CDH18: variants seen among roughly 807,000 people sequenced by gnomAD.
CDH18 encodes cadherin-18.
CDH18 carries 31 observed loss-of-function variants against 67.9 expected under a neutral mutation model. That is an observed-to-expected ratio of 0.46 (90% CI 0.34 to 0.62). The LOEUF (loss-of-function observed/expected upper bound fraction) is 0.62, where lower values mean the gene tolerates loss of function less well. CDH18 is among the 20% of genes least tolerant of loss of function. The pLI, the probability that CDH18 is intolerant of heterozygous loss-of-function variation, is 0.01. For missense variants in CDH18, 890 were observed against 975.5 expected (o/e 0.91, Z 1.17); for synonymous variants, 362 against 347.2 (o/e 1.04, Z -0.48).
chr5:19,970,394 TAA>T (rs1231051762), intron 2 of CDH18, among the ~76,000 whole-genome samples: 2 of 151,646 alleles, frequency 1.3e-5, no homozygotes, highest in Admixed American at 6.6e-5. Context: ...AATTTAGCAA[TAA>T]GAGAGGATAT....
intron 2 of CDH18, among the ~76,000 whole-genome samples, chr5:20,149,721 T>C (rs1413811017): frequency 6.6e-6 from 1 of 152,166 alleles, no homozygotes; most frequent in African/African-American, 2.4e-5. Context: ...GGCTTAATCT[T>C]TGTACTTTAA....
intron 2 of CDH18, among the ~76,000 whole-genome samples, chr5:19,848,681 T>C (rs1485451264): frequency 2.6e-5 from 4 of 151,816 alleles, no homozygotes; most frequent in East Asian, 1.9e-4. Context: ...GAATGCAATA[T>C]AGGGCACCAA....
intron 1 of CDH18, among the ~76,000 whole-genome samples, chr5:20,439,695 C>T (rs1424436686): frequency 6.6e-6 from 1 of 151,612 alleles, no homozygotes; most frequent in Non-Finnish European, 1.5e-5. Context: ...GATGGTATTG[C>T]TAAAATATTG....
chr5:20,429,503 G>A (rs912497206), intron 1 of CDH18, among the ~76,000 whole-genome samples: 8 of 152,100 alleles, frequency 5.3e-5, no homozygotes, highest in Non-Finnish European at 1.0e-4. Context: ...CTATTTATCT[G>A]TAGTCAGGTC....
At chr5:19,666,174 A>G (rs1338676847) in intron 5 of CDH18, among the ~76,000 whole-genome samples, 1 of 150,926 alleles carries the variant, frequency 6.6e-6, no homozygotes. Context: ...GGTTCAAGTG[A>G]TCCTCCTTCC....
At chr5:19,702,075 C>T (rs566987585) in intron 5 of CDH18, among the ~76,000 whole-genome samples, 9 of 151,488 alleles carry the variant, frequency 5.9e-5, no homozygotes, top group East Asian at 2.0e-4. Context: ...AAATCCACCA[C>T]GGTGCACTCA....
At chr5:20,244,181 C>A (rs1320658616) in intron 2 of CDH18, among the ~76,000 whole-genome samples, 1 of 74,948 alleles carries the variant, frequency 1.3e-5, no homozygotes, top group East Asian at 4.2e-4. Context: ...TTTATAACAA[C>A]CTCCGCTGAA....
intron 11 of CDH18, among the ~76,000 whole-genome samples, chr5:19,497,066 C>T (rs1003032850): frequency 2.6e-5 from 4 of 151,934 alleles, no homozygotes; most frequent in African/African-American, 9.7e-5. Context: ...ATAAAAAATT[C>T]TCTATATATC....
At chr5:19,503,918 C>T (rs758787692) in intron 10 of CDH18, among the ~76,000 whole-genome samples, 24 of 152,070 alleles carry the variant, frequency 1.6e-4, no homozygotes, top group Middle Eastern at 3.4e-3. Context: ...TCATTCAACC[C>T]TTTCCTTAGA....
intron 1 of CDH18, among the ~76,000 whole-genome samples, chr5:20,289,471 C>T (rs1210161157): frequency 6.6e-6 from 1 of 151,882 alleles, no homozygotes; most frequent in African/African-American, 2.4e-5. Flanking sequence ...TGTAAATTTT[C>T]ATGGGTATCT....
intron 1 of CDH18, chr5:20,303,917 T>C (rs1736175542): frequency 3.1e-6 from 2 of 638,378 alleles, no homozygotes. Flanking sequence ...GCCACATTAA[T>C]CTTCCTCTCA....
chr5:19,883,858 C>T (rs1238347039), intron 2 of CDH18, among the ~76,000 whole-genome samples: 1 of 151,986 alleles, frequency 6.6e-6, no homozygotes, highest in Non-Finnish European at 1.5e-5. Flanking sequence ...TAAAATAATA[C>T]TTTTGCTTAG....
chr5:19,992,108 T>C (rs933833872), upstream of CDH18: 1 of 150,818 alleles, frequency 6.6e-6, no homozygotes, highest in Non-Finnish European at 1.5e-5. Flanking sequence ...GTTTCAAAGA[T>C]AACCGTATGT....
intron 7 of CDH18, among the ~76,000 whole-genome samples, chr5:19,586,514 A>AT (rs1744167919): frequency 6.6e-6 from 1 of 152,152 alleles, no homozygotes; most frequent in African/African-American, 2.4e-5. Flanking sequence ...AACTCTGTCT[A>AT]TGTCCCTACA....
chr5:20,309,946 C>T (rs2149986908), intron 1 of CDH18, among the ~76,000 whole-genome samples: 1 of 152,036 alleles, frequency 6.6e-6, no homozygotes, highest in East Asian at 1.9e-4. Context: ...TCTAGTATTT[C>T]TATCTAAGTT....
intron 2 of CDH18, among the ~76,000 whole-genome samples, chr5:20,003,351 TA>T (rs1445537885): frequency 6.6e-6 from 1 of 152,068 alleles, no homozygotes; most frequent in East Asian, 1.9e-4. Flanking sequence ...GGTAGAAGAT[TA>T]AAATAGTCAT....
intron 2 of CDH18, among the ~76,000 whole-genome samples, chr5:20,185,203 G>T (rs1737993666): frequency 6.6e-6 from 1 of 151,952 alleles, no homozygotes; most frequent in East Asian, 1.9e-4. Context: ...TCAACAATAT[G>T]TTCAAAGTAC....
intron 1 of CDH18, among the ~76,000 whole-genome samples, chr5:20,510,237 G>A (rs1400401851): frequency 6.6e-6 from 1 of 151,990 alleles, no homozygotes; most frequent in Non-Finnish European, 1.5e-5. Context: ...TCTCGATTGG[G>A]TTATTTGTCT....
At position 19,612,685 on chromosome 5, in the gene CDH18, T is replaced by G; in HGVS notation, c.644-84A>C. On this transcript the variant is annotated intron_variant, in intron 5 of 12. Transcript: ENST00000382275. ...ACATACACATACATATTTTAAGAAATGTCTTTTAAAATAGCATATTTTTGG... is the reference window on the plus strand; with the variant it reads ...ACATACACATACATATTTTAAGAAAGGTCTTTTAAAATAGCATATTTTTGG... 3 of 1,045,476 alleles carry G rather than the reference T, an allele frequency of 2.9e-6. No individual in the cohort carries two copies. In the Admixed American group the frequency reaches 6.8e-5, roughly 24 times the overall value. 64.8% of individuals were successfully genotyped at this position (1,045,476 alleles called of 1,614,324 possible). A position where few individuals can be genotyped will look rare whatever the true frequency, so the allele number is the denominator to read the frequency against.
Sources: allele counts gnomAD v4.1 joint callset (sites outside exome capture counted in the v4.1 genomes callset), GRCh38; gene constraint gnomAD v4.1.1; transcripts MANE v1.5; gene names NCBI Gene and HGNC (gene_info 2026-07-23, HGNC 2026-07-21).